Variants in SOX5 observed in about 807,000 individuals in gnomAD.
SOX5 encodes the protein transcription factor SOX-5.
Under a neutral mutation model 92.0 loss-of-function variants are expected in SOX5, and 9 were observed. The observed-to-expected ratio is 0.10, with a 90% CI of 0.06 to 0.17. The LOEUF (loss-of-function observed/expected upper bound fraction) is 0.17, where lower values mean the gene tolerates loss of function less well. Among genes scored for constraint, SOX5 ranks in the 10% least tolerant of loss-of-function variants. The pLI, the probability that SOX5 is intolerant of heterozygous loss-of-function variation, is 1.00. For missense variants in SOX5, 642 were observed against 944.5 expected (o/e 0.68, Z 4.20); for synonymous variants, 344 against 336.3 (o/e 1.02, Z -0.25).
intron 7 of SOX5, among the ~76,000 whole-genome samples, chr12:23,655,313 CAAT>C (rs1425238080): frequency 6.6e-6 from 1 of 152,046 alleles, no homozygotes; most frequent in Non-Finnish European, 1.5e-5. Context: ...AGGTATTGCA[CAAT>C]AACTCATTTT....
intron 9 of SOX5, among the ~76,000 whole-genome samples, chr12:23,593,185 C>T (rs1042629164): frequency 1.3e-5 from 2 of 152,110 alleles, no homozygotes; most frequent in South Asian, 2.1e-4. Context: ...CTTTACAATA[C>T]ATAAGACAAG....
chr12:24,332,402 C>A (rs915144878), intron 2 of SOX5, among the ~76,000 whole-genome samples: 1 of 152,034 alleles, frequency 6.6e-6, no homozygotes, highest in Admixed American at 6.6e-5. Flanking sequence ...ACAATACTTT[C>A]AGATAGGCAA....
At chr12:24,310,189 G>A (rs1428293889) in intron 2 of SOX5, among the ~76,000 whole-genome samples, 2 of 152,118 alleles carry the variant, frequency 1.3e-5, no homozygotes, top group African/African-American at 2.4e-5. Context: ...GGCCTAAAAG[G>A]ATTTAAGAGT....
intron 1 of SOX5, among the ~76,000 whole-genome samples, chr12:23,932,693 A>G (rs1447608925): frequency 6.6e-6 from 1 of 151,616 alleles, no homozygotes; most frequent in Non-Finnish European, 1.5e-5. Flanking sequence ...AAAAAGGAGA[A>G]AAATGAAAAA....
At chr12:24,176,363 T>C (rs34152334) in intron 4 of SOX5, among the ~76,000 whole-genome samples, 7,893 of 151,912 alleles carry the variant, frequency 0.052, 217 homozygotes, top group African/African-American at 0.074. Flanking sequence ...CAAAACAAAA[T>C]TCAAAGATAA....
intron 3 of SOX5, among the ~76,000 whole-genome samples, chr12:23,762,148 T>G (rs952492576): frequency 6.6e-6 from 1 of 152,098 alleles, no homozygotes; most frequent in Non-Finnish European, 1.5e-5. Context: ...GGAAAGCTAT[T>G]TGTACACTAA....
At chr12:23,625,359 G>A (rs546626656) in intron 8 of SOX5, among the ~76,000 whole-genome samples, 2 of 152,232 alleles carry the variant, frequency 1.3e-5, no homozygotes, top group African/African-American at 4.8e-5. Context: ...CGGTCTAAAT[G>A]GAATCCTCTC....
chr12:24,013,673 C>T (rs1197578463), intron 4 of SOX5, among the ~76,000 whole-genome samples: 1 of 152,066 alleles, frequency 6.6e-6, no homozygotes, highest in Non-Finnish European at 1.5e-5. Flanking sequence ...GGGAAAATTG[C>T]AAAACTAATC....
rs1439178009 is a variant in SOX5 at position 23,758,050 on chromosome 12, A to C, written c.482-2326T>G. Among the ~76,000 whole-genome samples the C allele has an allele frequency of 6.6e-5, 10 of 150,824 alleles. No homozygotes were observed. In the Middle Eastern group the frequency reaches 0.014, roughly 207 times the overall value. On this transcript the variant is annotated intron_variant, in intron 3 of 14. Coordinates refer to ENST00000451604, the MANE Select transcript of SOX5 (RefSeq NM_006940.6). ...AAAAAAAAAAAGAATAACTTCTTTA[A>C]GACTAAGTTATTTTGAAAATGTAAA...
chr12:23,731,001 A>G (rs1386468804), intron 6 of SOX5, among the ~76,000 whole-genome samples: 1 of 152,168 alleles, frequency 6.6e-6, no homozygotes, highest in East Asian at 1.9e-4. Context: ...TCACCCTCTC[A>G]ATGTGGGCAG....
chr12:23,592,992 T>C (rs1303492319), intron 9 of SOX5, among the ~76,000 whole-genome samples: 1 of 151,976 alleles, frequency 6.6e-6, no homozygotes, highest in African/African-American at 2.4e-5. Context: ...GACAGGAGAA[T>C]TGCTTGAACC....
At chr12:23,731,987 A>G (rs2093411264) in intron 6 of SOX5, among the ~76,000 whole-genome samples, 1 of 152,196 alleles carries the variant, frequency 6.6e-6, no homozygotes, top group Non-Finnish European at 1.5e-5. Flanking sequence ...AAAAAAGTAG[A>G]TGGAAATTCT....
chr12:23,740,780 C>A, intron 5 of SOX5, 87 bp downstream of exon 5: 2 of 1,098,676 alleles, frequency 1.8e-6, no homozygotes, highest in Non-Finnish European at 2.5e-6. Context: ...GACTCTTATT[C>A]ATTGTTGTGT....
rs902952620 is a variant in SOX5, at chr12:23,668,171, C to T, written c.811-2607G>A. Among the ~76,000 whole-genome samples the T allele has an allele frequency of 2.0e-5, 3 of 152,154 alleles. No individual in the cohort carries two copies. In the South Asian group the frequency reaches 6.2e-4, roughly 32 times the overall value. ...TAAGCTTTGCTCAGGCATGAGATAT[C>T]CTGCTGTTGGCTGCGAATTCAATGT... is the stretch of plus-strand genomic sequence containing the variant. On this transcript the variant is annotated intron_variant, in intron 6 of 14. Coordinates refer to ENST00000451604, the MANE Select transcript of SOX5 (RefSeq NM_006940.6).
intron 4 of SOX5, among the ~76,000 whole-genome samples, chr12:24,192,268 G>T (rs1162663517): frequency 6.6e-6 from 1 of 152,096 alleles, no homozygotes; most frequent in Non-Finnish European, 1.5e-5. Context: ...TAGGTTTTCA[G>T]ATTAATGGAC....
intron 1 of SOX5, among the ~76,000 whole-genome samples, chr12:24,524,921 G>C (rs981526243): frequency 2.6e-5 from 4 of 152,084 alleles, no homozygotes; most frequent in Non-Finnish European, 5.9e-5. Context: ...CTAGGATCCT[G>C]CCACTGCACT....
At chr12:24,002,782 T>C (rs994603562) in intron 4 of SOX5, among the ~76,000 whole-genome samples, 1 of 152,050 alleles carries the variant, frequency 6.6e-6, no homozygotes, top group Admixed American at 6.6e-5. Context: ...CATAAACTCT[T>C]ACAAAAAATA....
intron 4 of SOX5, among the ~76,000 whole-genome samples, chr12:23,956,475 G>C (rs1946293681): frequency 6.6e-6 from 1 of 152,054 alleles, no homozygotes; most frequent in South Asian, 2.1e-4. Context: ...GAGGGATCTA[G>C]GTTTCACTCT....
intron 3 of SOX5, among the ~76,000 whole-genome samples, chr12:23,831,106 G>A (rs1257761911): frequency 2.0e-5 from 3 of 151,982 alleles, no homozygotes; most frequent in Non-Finnish European, 4.4e-5. Flanking sequence ...CTATTTAGAG[G>A]ATCTAATGGT....
Sources: gnomAD v4.1 joint callset for allele counts (sites outside exome capture counted in the v4.1 genomes callset) on GRCh38, gnomAD v4.1.1 for gene constraint, MANE v1.5 for transcripts, NCBI Gene and HGNC (gene_info 2026-07-23, HGNC 2026-07-21) for gene names.